Variants in XPO5 observed in about 807,000 individuals in gnomAD.
XPO5 encodes exportin 5.
A neutral mutation model predicts 160.6 loss-of-function variants in XPO5; 46 were observed. That is an observed-to-expected ratio of 0.29 (90% CI 0.23 to 0.37). The LOEUF is 0.37. XPO5 is among the 10% of genes least tolerant of loss of function. XPO5 has a pLI of 1.00. For missense variants in XPO5, 1,090 were observed against 1,463.9 expected (o/e 0.74, Z 4.17); for synonymous variants, 537 against 519.3 (o/e 1.03, Z -0.46).
rs568346345 is a variant in XPO5 at position 43,525,317 on chromosome 6, C to G, written c.3067-103G>C. ...GGAGGGTTTTTTTTTTTTCCTCCCC[C>G]CCTCTAAAGATGGGTTTGTTTTGTT... On this transcript the variant is annotated intron_variant, in intron 28 of 31. Coordinates refer to ENST00000265351, the MANE Select transcript of XPO5 (RefSeq NM_020750.3). 321 of 1,114,786 alleles carry G rather than the reference C, an allele frequency of 2.9e-4. 1 individual carries two copies. In the African/African-American group the frequency reaches 4.3e-3, roughly 15 times the overall value. The allele number at this position is 1,114,786 out of a possible 1,614,324, so 69.1% of individuals were successfully genotyped here.
chr6:43,525,987 C>A (rs1203438855), intron 27 of XPO5, 66 bp from the exon 28 acceptor site: 1 of 1,572,252 alleles, frequency 6.4e-7, no homozygotes, highest in Non-Finnish European at 8.7e-7. Flanking sequence ...CTTGTTCTGA[C>A]AGAAGCGCAA....
intron 20 of XPO5, among the ~76,000 whole-genome samples, chr6:43,543,469 G>A (rs113236464): frequency 2.2e-4 from 32 of 147,972 alleles, no homozygotes; most frequent in Admixed American, 7.3e-4. Context: ...AAGTAAGTAA[G>A]TAAATAAATA....
At position 43,530,754 on chromosome 6, in the gene XPO5, G is replaced by C; in HGVS notation, c.2611C>G (p.Gln871Glu). ...DFYTVEDLAT[Q>E]LLSSAFVNLN... ...TTGACAAAGGCTGAGCTGAGAAGCT[G>C]GGTAGCAAGGTCCTCCACAGTATAG... Residue 871 changes from glutamine (Q) to glutamate (E), a missense_variant, in exon 23 of 32, where the codon CAG (glutamine) becomes GAG (glutamate). Physicochemically the swap from Gln to Glu is conservative, Grantham distance 29. This residue lies in a region of XPO5 where 810 missense variants were observed against 1,139.0 expected (regional missense o/e 0.71). Transcript: ENST00000265351. The C allele has an allele frequency of 6.2e-7, 1 of 1,613,954 alleles. No homozygotes were observed. The highest frequency in any genetic ancestry group is 8.5e-7 in the Non-Finnish European group (1 of 1,179,874).
At chr6:43,561,050 A>C (rs747624734) in intron 9 of XPO5, 43 bp from the exon 10 acceptor site, 1 of 1,491,008 alleles carries the variant, frequency 6.7e-7, no homozygotes, top group East Asian at 2.3e-5. Context: ...GATCGAGAAA[A>C]GCAGGAGAGG....
chr6:43,527,988 T>G (rs1793708001), intron 25 of XPO5, among the ~76,000 whole-genome samples, 171 bp downstream of exon 25: 1 of 152,352 alleles, frequency 6.6e-6, no homozygotes, highest in African/African-American at 2.4e-5. Context: ...TCTCAGAGTC[T>G]GCCTGCTGGT....
intron 19 of XPO5, among the ~76,000 whole-genome samples, chr6:43,546,987 GCTGT>G (rs1327044421): frequency 6.6e-6 from 1 of 152,126 alleles, no homozygotes; most frequent in East Asian, 1.9e-4. Context: ...CTTGCAGTAA[GCTGT>G]CTTTCTAGGA....
intron 8 of XPO5, among the ~76,000 whole-genome samples, chr6:43,564,581 T>TA (rs1439258992): frequency 2.0e-5 from 3 of 152,174 alleles, no homozygotes; most frequent in African/African-American, 7.2e-5. Context: ...TAGCTTACTG[T>TA]AACTTTTTAA....
intron 20 of XPO5, among the ~76,000 whole-genome samples, chr6:43,541,929 A>T (rs1460205025): frequency 1.3e-5 from 2 of 152,070 alleles, no homozygotes; most frequent in Non-Finnish European, 1.5e-5. Flanking sequence ...AAGCATGCAC[A>T]CCACCACGCC....
intron 2 of XPO5, 124 bp downstream of exon 2, chr6:43,573,356 G>A: frequency 7.8e-7 from 1 of 1,286,524 alleles, no homozygotes; most frequent in Non-Finnish European, 1.1e-6. Flanking sequence ...AACATCTAGG[G>A]GATCATTCCT....
intron 11 of XPO5, 84 bp from the exon 12 acceptor site, chr6:43,558,675 T>A: frequency 9.7e-7 from 1 of 1,025,670 alleles, no homozygotes; most frequent in Non-Finnish European, 1.4e-6. Context: ...CAAGCACTTT[T>A]AATTTATTTA....
rs529074766 is a variant in XPO5, at chr6:43,560,970, C to T, written c.1049G>A (p.Gly350Glu). 3.2e-4 allele frequency: 510 copies of T among 1,613,868 alleles called. 8 individuals are homozygous for T. The South Asian group carries it at 5.3e-3, about 17-fold the overall frequency. ...DSDVETPSNF[G>E]KYLESFLAFT... is the part of the protein sequence containing the mutation. ...AGCAAGAAAAGATTCCAGGTATTTT[C>T]CAAAGTTTGATGGTGTTTCTACATC... Residue 350 changes from glycine (G) to glutamate (E), a missense_variant, in exon 10 of 32, where the codon GGA (glycine) becomes GAA (glutamate). Gly to Glu is a moderately conservative substitution (Grantham distance 98). Around this residue, in one of 3 missense-constraint regions of XPO5, gnomAD observed 810 missense variants for 1,139.0 expected, o/e 0.71. Transcript: ENST00000265351.
Position 43,526,602 on chromosome 6 carries a change from C to A in XPO5, c.2983+83G>T, listed in dbSNP as rs1035167458. 7 of 1,510,514 alleles carry A rather than the reference C, an allele frequency of 4.6e-6. No homozygotes were observed. In the African/African-American group the frequency reaches 9.6e-5, roughly 21 times the overall value. The allele number at this position is 1,510,514 out of a possible 1,614,324, so 93.6% of individuals were successfully genotyped here. On this transcript the variant is annotated intron_variant, in intron 27 of 31. Transcript: ENST00000265351. ...TGTAGGGTGTCTTCTCCTCACCAGA[C>A]TGCAAGGAAACTGACCTGGTTCAGA...
intron 1 of XPO5, among the ~76,000 whole-genome samples, chr6:43,575,488 G>A (rs538944674): frequency 7.2e-5 from 11 of 152,234 alleles, no homozygotes; most frequent in Non-Finnish European, 1.5e-4. Flanking sequence ...CAGAAGCGAG[G>A]AAAGGGGGAG....
chr6:43,556,639 C>T (rs1762103030), intron 12 of XPO5, among the ~76,000 whole-genome samples: 1 of 151,962 alleles, frequency 6.6e-6, no homozygotes, highest in African/African-American at 2.4e-5. Context: ...CTTGCAATTG[C>T]CATATTATCC....
intron 20 of XPO5, among the ~76,000 whole-genome samples, chr6:43,545,658 G>A (rs1255991558): frequency 6.6e-6 from 1 of 151,968 alleles, no homozygotes; most frequent in Non-Finnish European, 1.5e-5. Flanking sequence ...AGTGAGCCAA[G>A]ATTGCACCAC....
chr6:43,529,101 G>A lies in XPO5; in HGVS notation c.2678-176C>T, dbSNP rs914451551. The A allele has an allele frequency of 1.9e-5, 20 of 1,047,408 alleles. No homozygotes were observed. The African/African-American group carries it at 3.0e-4, about 16-fold the overall frequency. 64.9% of individuals were successfully genotyped at this position (1,047,408 alleles called of 1,614,324 possible). On this transcript the variant is annotated intron_variant, in intron 23 of 31. Coordinates refer to ENST00000265351, the MANE Select transcript of XPO5 (RefSeq NM_020750.3). ...TTTTCCTAAAATCCTAAATGGCACT[G>A]ATATTGAATTCCATTATACTCTTAG...
chr6:43,546,696 A>C lies in XPO5; in HGVS notation c.2217T>G (p.Thr739=). Residue 739 remains threonine (T), a synonymous_variant, in exon 20 of 32, where the codon ACT becomes ACG. Transcript: ENST00000265351. ...LGVVKRTCWP[T]DLEEAKAGGF... ...CCCCAGCTTTGGCCTCTTCTAGGTC[A>C]GTGGGCCAGCAAGTTCGTTTCACCA... 6.2e-7 allele frequency: 1 copy of C among 1,613,194 alleles called. No homozygotes were observed. Among genetic ancestry groups the C allele is most frequent in the South Asian group, 1.1e-5 (1 of 90,918 alleles).
At chr6:43,570,107 T>C (rs540190895) in intron 5 of XPO5, among the ~76,000 whole-genome samples, 1 of 143,692 alleles carries the variant, frequency 7.0e-6, no homozygotes, top group East Asian at 2.1e-4. Context: ...GGTCAGGAGA[T>C]CAAGACCTTC....
chr6:43,567,445 A>G, intron 6 of XPO5, 91 bp from the exon 7 acceptor site: 1 of 1,201,900 alleles, frequency 8.3e-7, no homozygotes, highest in Non-Finnish European at 1.1e-6. Context: ...TTCTAATTCT[A>G]AGAAAATTAT....
Sources: allele counts gnomAD v4.1 joint callset (sites outside exome capture counted in the v4.1 genomes callset), GRCh38; gene constraint gnomAD v4.1.1; regional missense constraint gnomAD v4.1.1; transcripts MANE v1.5; gene names NCBI Gene and HGNC (gene_info 2026-07-23, HGNC 2026-07-21).